Variants in EMCN observed in about 807,000 individuals in gnomAD.
EMCN encodes the protein endomucin.
A neutral mutation model predicts 38.4 loss-of-function variants in EMCN; 37 were observed. That is an observed-to-expected ratio of 0.96 (90% CI 0.74 to 1.27). The LOEUF (loss-of-function observed/expected upper bound fraction) is 1.27, where lower values mean the gene tolerates loss of function less well. EMCN is among the 50% of genes most tolerant of loss of function. The pLI is 0.00. For missense variants in EMCN, 318 were observed against 302.8 expected, an observed-to-expected ratio of 1.05 and a Z score of -0.37; for synonymous variants, 95 against 100.8, an observed-to-expected ratio of 0.94 and a Z score of 0.35.
intron 4 of EMCN, among the ~76,000 whole-genome samples, chr4:100,448,795 T>TTTTCTTTCTTTGCTTCCTTCCTTCCTTC: frequency 8.7e-6 from 1 of 114,414 alleles, no homozygotes; most frequent in African/African-American, 3.3e-5. Flanking sequence ...TGCCTTGAAG[T>TTTTCTTTCTTTGCTTCCTTCCTTCCTTC]CTTCCTTCCT....
At chr4:100,486,187 C>G (rs773683359) in intron 1 of EMCN, among the ~76,000 whole-genome samples, 3 of 152,244 alleles carry the variant, frequency 2.0e-5, no homozygotes, top group Non-Finnish European at 4.4e-5. Context: ...TCATGTCTCT[C>G]TACGTGTCTG....
intron 5 of EMCN, among the ~76,000 whole-genome samples, chr4:100,442,202 TA>T (rs1305830294): frequency 1.3e-5 from 2 of 152,324 alleles, no homozygotes; most frequent in African/African-American, 4.8e-5. Context: ...TTCAGCTCTT[TA>T]AATATATTAT....
intron 10 of EMCN, among the ~76,000 whole-genome samples, chr4:100,410,634 A>C (rs1372927980): frequency 4.6e-5 from 7 of 152,160 alleles, no homozygotes; most frequent in African/African-American, 1.7e-4. Context: ...TTGGGAGATG[A>C]TAACATTAGA....
chr4:100,464,302 G>A (rs1432017587), intron 4 of EMCN, among the ~76,000 whole-genome samples: 1 of 151,714 alleles, frequency 6.6e-6, no homozygotes, highest in Non-Finnish European at 1.5e-5. Context: ...TGAATCCTTG[G>A]AATTTTCTAC....
chr4:100,414,817 T>C (rs1266166090), intron 10 of EMCN, among the ~76,000 whole-genome samples: 1 of 152,234 alleles, frequency 6.6e-6, no homozygotes, highest in Non-Finnish European at 1.5e-5. Context: ...ATATTTATAA[T>C]ATAGCTTATT....
chr4:100,413,367 G>GT (rs891410504), intron 10 of EMCN, among the ~76,000 whole-genome samples: 32 of 149,484 alleles, frequency 2.1e-4, no homozygotes, highest in Admixed American at 4.7e-4. Flanking sequence ...AACCATTTAA[G>GT]TTTTTTTTTT....
At chr4:100,467,929 T>C (rs998359278) in intron 3 of EMCN, among the ~76,000 whole-genome samples, 6 of 152,224 alleles carry the variant, frequency 3.9e-5, no homozygotes, top group Non-Finnish European at 8.8e-5. Flanking sequence ...ACTATAATCC[T>C]AGGCAATAGT....
chr4:100,435,278 G>T (rs536805365), intron 5 of EMCN, among the ~76,000 whole-genome samples: 11 of 152,098 alleles, frequency 7.2e-5, no homozygotes, highest in Non-Finnish European at 1.3e-4. Flanking sequence ...ATTCATAATT[G>T]CTACAAAGAG....
At chr4:100,444,214 C>T (rs1335061377) in intron 5 of EMCN, among the ~76,000 whole-genome samples, 1 of 152,172 alleles carries the variant, frequency 6.6e-6, no homozygotes, top group Non-Finnish European at 1.5e-5. Flanking sequence ...ACAGCTCAAG[C>T]CAGGCCTTAT....
chr4:100,465,610 T>C (rs1191160258), intron 3 of EMCN, 71 bp from the exon 4 acceptor site: 5 of 765,602 alleles, frequency 6.5e-6, no homozygotes, highest in Non-Finnish European at 1.0e-5. Context: ...TTCATATTAA[T>C]ATCCAACTAA....
chr4:100,513,014 G>A (rs1248582050), intron 1 of EMCN, among the ~76,000 whole-genome samples: 2 of 152,144 alleles, frequency 1.3e-5, no homozygotes, highest in Non-Finnish European at 2.9e-5. Context: ...AGGATGGGCA[G>A]TTGTCTAGTA....
At chr4:100,490,200 A>C (rs1210102559) in intron 1 of EMCN, among the ~76,000 whole-genome samples, 1 of 151,544 alleles carries the variant, frequency 6.6e-6, no homozygotes, top group African/African-American at 2.4e-5. Flanking sequence ...GATTAAAAAC[A>C]GAAAAAAGCT....
intron 11 of EMCN, among the ~76,000 whole-genome samples, chr4:100,404,973 G>T (rs1329883576): frequency 2.6e-5 from 4 of 151,760 alleles, no homozygotes; most frequent in Non-Finnish European, 5.9e-5. Flanking sequence ...TCTTTTTGTG[G>T]CTCCTGTGAA....
At chr4:100,416,753 A>G (rs1359895927) in intron 9 of EMCN, among the ~76,000 whole-genome samples, 2 of 152,190 alleles carry the variant, frequency 1.3e-5, no homozygotes, top group Non-Finnish European at 2.9e-5. Context: ...TCTACCTTAA[A>G]GGCACTGAGA....
intron 4 of EMCN, among the ~76,000 whole-genome samples, chr4:100,453,462 C>A (rs1727908455): frequency 1.3e-5 from 2 of 152,136 alleles, no homozygotes; most frequent in Admixed American, 1.3e-4. Context: ...CAAATGAAAA[C>A]CACAATGAGA....
intron 1 of EMCN, among the ~76,000 whole-genome samples, chr4:100,517,441 T>C (rs914376244): frequency 6.6e-6 from 1 of 152,096 alleles, no homozygotes; most frequent in Non-Finnish European, 1.5e-5. Flanking sequence ...CAGGCTAACA[T>C]CTGCAATATA....
At chr4:100,464,142 A>G (rs889800821) in intron 4 of EMCN, among the ~76,000 whole-genome samples, 1 of 151,508 alleles carries the variant, frequency 6.6e-6, no homozygotes, top group African/African-American at 2.4e-5. Context: ...TTATTTCTAC[A>G]TATTTTATAC....
At chr4:100,423,948 TA>T (rs567479125) in intron 5 of EMCN, among the ~76,000 whole-genome samples, 182 of 152,234 alleles carry the variant, frequency 1.2e-3, no homozygotes, top group Non-Finnish European at 2.0e-3. Flanking sequence ...CTGGTTTTAT[TA>T]TGTGCCTTTT....
chr4:100,498,722 G>A lies in EMCN; in HGVS notation c.65-18683C>T, dbSNP rs539526706. ...CTCCCAAAGTGCTGGGAGTACAGGC[G>A]TGAGCCACCGTGCCCGGCCTATGCA... On this transcript the variant is annotated intron_variant, in intron 1 of 11. Transcript: ENST00000296420. Among the ~76,000 whole-genome samples the A allele has an allele frequency of 8.5e-5, 13 of 152,234 alleles. No individual in the cohort carries two copies. The South Asian group carries it at 1.4e-3, about 17-fold the overall frequency.
Sources: allele counts gnomAD v4.1 joint callset (sites outside exome capture counted in the v4.1 genomes callset), GRCh38; gene constraint gnomAD v4.1.1; transcripts MANE v1.5; gene names NCBI Gene and HGNC (gene_info 2026-07-23, HGNC 2026-07-21).